The following PTCHD4 variants were observed in gnomAD, a reference collection of about 807,000 sequenced individuals.
PTCHD4 encodes the protein patched domain-containing protein 4.
Under a neutral mutation model 58.1 loss-of-function variants are expected in PTCHD4, and 33 were observed. The observed-to-expected ratio is 0.57, with a 90% confidence interval of 0.43 to 0.76. The LOEUF is 0.76. Ranked by LOEUF, PTCHD4 falls within the 30% of genes least tolerant of loss-of-function variation. PTCHD4 has a pLI of 0.00. For missense variants in PTCHD4, 1,058 were observed against 1,027.1 expected, an observed-to-expected ratio of 1.03 and a Z score of -0.41; for synonymous variants, 478 against 409.6, an observed-to-expected ratio of 1.17 and a Z score of -2.02.
At chr6:47,895,224 A>G (rs1427517084) in intron 4 of PTCHD4, among the ~76,000 whole-genome samples, 1 of 152,204 alleles carries the variant, frequency 6.6e-6, no homozygotes, top group Non-Finnish European at 1.5e-5. Flanking sequence ...ACTGGACCCC[A>G]GGGAAAGATG....
intron 4 of PTCHD4, among the ~76,000 whole-genome samples, chr6:47,930,222 G>T (rs1284525665): frequency 6.6e-6 from 1 of 152,124 alleles, no homozygotes; most frequent in Non-Finnish European, 1.5e-5. Context: ...AAAAAGGTGG[G>T]TATTTTACAG....
chr6:47,967,680 G>A (rs1462748389), intron 4 of PTCHD4, among the ~76,000 whole-genome samples: 1 of 152,168 alleles, frequency 6.6e-6, no homozygotes, highest in African/African-American at 2.4e-5. Context: ...ACTTGTGATT[G>A]CACTTGGTAC....
At chr6:47,977,530 G>T (rs1273492351) in intron 4 of PTCHD4, among the ~76,000 whole-genome samples, 2 of 152,176 alleles carry the variant, frequency 1.3e-5, no homozygotes, top group African/African-American at 4.8e-5. Context: ...GCTTGGAAAG[G>T]ATCCTGCCCC....
At chr6:47,990,668 G>A (rs1046630225) in intron 4 of PTCHD4, among the ~76,000 whole-genome samples, 2 of 152,104 alleles carry the variant, frequency 1.3e-5, no homozygotes, top group Non-Finnish European at 1.5e-5. Flanking sequence ...AAGTCCAATT[G>A]AAACTCTTTT....
intron 3 of PTCHD4, among the ~76,000 whole-genome samples, chr6:48,021,441 T>A (rs1022385428): frequency 2.0e-5 from 3 of 152,186 alleles, no homozygotes; most frequent in African/African-American, 7.2e-5. Context: ...ACTTGACTTC[T>A]GAATTGGCCC....
intron 4 of PTCHD4, among the ~76,000 whole-genome samples, chr6:47,945,828 C>T (rs1766396073): frequency 6.6e-6 from 1 of 151,540 alleles, no homozygotes; most frequent in Non-Finnish European, 1.5e-5. Flanking sequence ...CTTCATAAAG[C>T]TCTTGTAATC....
intron 4 of PTCHD4, among the ~76,000 whole-genome samples, chr6:47,893,038 C>T (rs998071261): frequency 6.6e-6 from 1 of 152,100 alleles, no homozygotes; most frequent in Non-Finnish European, 1.5e-5. Flanking sequence ...TTGAGATGGA[C>T]TCTCGCTCTG....
chr6:47,980,515 A>G (rs1413841545), intron 4 of PTCHD4, among the ~76,000 whole-genome samples: 1 of 152,116 alleles, frequency 6.6e-6, no homozygotes, highest in East Asian at 1.9e-4. Context: ...TTTTGATTAT[A>G]TAAGTGATGT....
At chr6:48,103,075 T>C (rs1179048166) in intron 1 of PTCHD4, among the ~76,000 whole-genome samples, 1 of 152,214 alleles carries the variant, frequency 6.6e-6, no homozygotes, top group African/African-American at 2.4e-5. Context: ...CAGTCTTAAA[T>C]GTCCCTGTCT....
chr6:48,051,068 C>T (rs1158733382), intron 3 of PTCHD4, among the ~76,000 whole-genome samples: 1 of 151,938 alleles, frequency 6.6e-6, no homozygotes, highest in Non-Finnish European at 1.5e-5. Flanking sequence ...CTCAGGAACA[C>T]ACAGCAAACA....
chr6:47,913,932 A>G (rs9357565), intron 4 of PTCHD4, among the ~76,000 whole-genome samples: 86,291 of 151,952 alleles, frequency 0.57, 25,768 homozygotes, highest in East Asian at 0.78. Flanking sequence ...GGTAGATATT[A>G]GCACACTCTG....
intron 3 of PTCHD4, among the ~76,000 whole-genome samples, chr6:48,045,881 A>T (rs528661990): frequency 6.6e-6 from 1 of 151,446 alleles, no homozygotes; most frequent in South Asian, 2.1e-4. Context: ...TATATAAGGG[A>T]TCCTCACTGA....
chr6:47,980,006 T>A (rs759993994), intron 4 of PTCHD4, among the ~76,000 whole-genome samples: 5 of 152,092 alleles, frequency 3.3e-5, no homozygotes, highest in African/African-American at 4.8e-5. Flanking sequence ...TAAACCATAT[T>A]TTTAGCATTC....
At chr6:48,016,032 G>A (rs1047137605) in intron 3 of PTCHD4, among the ~76,000 whole-genome samples, 1 of 148,010 alleles carries the variant, frequency 6.8e-6, no homozygotes, top group African/African-American at 2.4e-5. Context: ...ATACAGAAAA[G>A]AAACAACAAC....
At chr6:47,992,821 G>A (rs1485070220) in intron 4 of PTCHD4, among the ~76,000 whole-genome samples, 1 of 151,992 alleles carries the variant, frequency 6.6e-6, no homozygotes. Context: ...ACACAGACAC[G>A]CCCAATTACT....
intron 4 of PTCHD4, among the ~76,000 whole-genome samples, chr6:47,923,527 T>C (rs1449429610): frequency 6.6e-6 from 1 of 152,236 alleles, no homozygotes; most frequent in East Asian, 1.9e-4. Context: ...CAGATGTCTT[T>C]AAGGTTAAGA....
At chr6:48,065,492 A>G (rs1764764716) in intron 3 of PTCHD4, among the ~76,000 whole-genome samples, 1 of 152,328 alleles carries the variant, frequency 6.6e-6, no homozygotes, top group East Asian at 1.9e-4. Context: ...TTAGCATCAT[A>G]GAGGCATCCT....
chr6:47,876,795 T>C lies in PTCHD4; in HGVS notation c.*1508A>G, dbSNP rs1431987922. Among the ~76,000 whole-genome samples, 1 of 152,120 alleles carries C rather than the reference T, an allele frequency of 6.6e-6. No homozygotes were observed. On this transcript the variant is annotated 3_prime_UTR_variant, in exon 5 of 5. Coordinates refer to ENST00000339488, the MANE Select transcript of PTCHD4 (RefSeq NM_001384253.1). Reference sequence around the variant, plus strand: ...TTTCCTGTGACAGGAGGCACAGCAATAGTCCAAGTAAGCACCCAACAGGTG... The same window carrying C: ...TTTCCTGTGACAGGAGGCACAGCAACAGTCCAAGTAAGCACCCAACAGGTG...
intron 4 of PTCHD4, among the ~76,000 whole-genome samples, chr6:47,999,868 G>C (rs1317377465): frequency 6.6e-6 from 1 of 152,122 alleles, no homozygotes; most frequent in African/African-American, 2.4e-5. Context: ...TCTTACCATA[G>C]TGATGTTAGG....
Sources: gnomAD v4.1 joint callset for allele counts (sites outside exome capture counted in the v4.1 genomes callset) on GRCh38, gnomAD v4.1.1 for gene constraint, MANE v1.5 for transcripts, NCBI Gene and HGNC (gene_info 2026-07-23, HGNC 2026-07-21) for gene names.